POU6F2: variants seen among roughly 807,000 people sequenced by gnomAD.
POU6F2 encodes the protein POU class 6 homeobox 2.
POU6F2 carries 31 observed loss-of-function variants against 71.3 expected under a neutral mutation model. That is an observed-to-expected ratio of 0.43 (90% CI 0.33 to 0.59). The LOEUF is 0.59. POU6F2 is among the 20% of genes least tolerant of loss of function. The pLI is 0.04. For synonymous variants in POU6F2, 347 were observed against 355.7 expected (o/e 0.98, Z 0.27); for missense variants, 783 against 856.8 (o/e 0.91, Z 1.07).
chr7:39,071,738 T>C (rs1042110606), intron 1 of POU6F2, among the ~76,000 whole-genome samples: 1 of 151,898 alleles, frequency 6.6e-6, no homozygotes, highest in African/African-American at 2.4e-5. Context: ...TAACAGTCTT[T>C]GTGCAACAAC....
intron 4 of POU6F2, among the ~76,000 whole-genome samples, chr7:39,235,992 G>A (rs867886475): frequency 1.2e-4 from 19 of 152,110 alleles, no homozygotes; most frequent in South Asian, 4.2e-4. Context: ...GAACAGGTGC[G>A]TCTGCATTTT....
At chr7:39,224,594 T>G (rs1465583656) in intron 4 of POU6F2, among the ~76,000 whole-genome samples, 1 of 152,190 alleles carries the variant, frequency 6.6e-6, no homozygotes, top group Non-Finnish European at 1.5e-5. Flanking sequence ...CACCAATGAC[T>G]GCTTTACTTT....
At chr7:39,194,947 C>A (rs1342613963) in intron 2 of POU6F2, among the ~76,000 whole-genome samples, 1 of 152,104 alleles carries the variant, frequency 6.6e-6, no homozygotes, top group African/African-American at 2.4e-5. Context: ...GGAGAAACTC[C>A]GGACACATCT....
chr7:39,132,628 A>C (rs2280667), intron 2 of POU6F2: 38,254 of 152,024 alleles, frequency 0.25, 5,385 homozygotes, highest in East Asian at 0.55. Context: ...AATCTAACAC[A>C]ATTGGTCACA....
rs374756990 is a variant in POU6F2 at position 39,319,022 on chromosome 7, C to T, written c.599-20620C>T. ...TTGGATGTGGTGGTGCATGCAGGTACTAGAGGAGCTGAGGCAGGAAAATCA... is the reference window on the plus strand; with the variant it reads ...TTGGATGTGGTGGTGCATGCAGGTATTAGAGGAGCTGAGGCAGGAAAATCA... On this transcript the variant is annotated intron_variant, in intron 4 of 9. Transcript: ENST00000518318. Among the ~76,000 whole-genome samples the T allele has an allele frequency of 1.9e-4, 29 of 152,178 alleles. No individual in the cohort carries two copies. In the East Asian group the frequency reaches 4.3e-3, roughly 22 times the overall value.
At chr7:39,113,347 G>A (rs866281102) in intron 2 of POU6F2, among the ~76,000 whole-genome samples, 33 of 152,232 alleles carry the variant, frequency 2.2e-4, no homozygotes, top group African/African-American at 7.9e-4. Context: ...CCTGGGGTCC[G>A]GGTTACTGGC....
intron 4 of POU6F2, among the ~76,000 whole-genome samples, chr7:39,261,278 C>T (rs759753592): frequency 2.6e-5 from 4 of 152,196 alleles, no homozygotes; most frequent in Non-Finnish European, 4.4e-5. Flanking sequence ...GCTCTTCTTC[C>T]GACACCCAGG....
chr7:39,232,402 T>C (rs1013605961), intron 4 of POU6F2, among the ~76,000 whole-genome samples: 1 of 152,110 alleles, frequency 6.6e-6, no homozygotes, highest in African/African-American at 2.4e-5. Context: ...TCTTGATGAA[T>C]GATCAAAGTT....
intron 1 of POU6F2, among the ~76,000 whole-genome samples, chr7:39,015,876 G>T (rs1313652512): frequency 1.3e-4 from 9 of 67,642 alleles, no homozygotes; most frequent in Non-Finnish European, 1.7e-4. Flanking sequence ...ATTATATATA[G>T]ATATATATTA....
At chr7:39,149,203 C>A (rs868797429) in intron 2 of POU6F2, among the ~76,000 whole-genome samples, 25 of 152,220 alleles carry the variant, frequency 1.6e-4, no homozygotes, top group African/African-American at 5.8e-4. Flanking sequence ...GCAAGTCACC[C>A]CATCTCTAGA....
chr7:39,196,171 T>C lies in POU6F2; in HGVS notation c.278-8064T>C, dbSNP rs75765447. ...AGGAGAGAAAAATCTGTGGTGGTGG[T>C]AGTGAAAGCGAAACACTGTTACAAA... On this transcript the variant is annotated intron_variant, in intron 2 of 9. Coordinates refer to ENST00000518318, the MANE Select transcript of POU6F2 (RefSeq NM_001370959.1). 1.9e-3 allele frequency among the ~76,000 whole-genome samples: 292 copies of C among 152,284 alleles called. 3 individuals are homozygous for C. The highest frequency in any genetic ancestry group is 6.7e-3 in the African/African-American group (279 of 41,556).
intron 4 of POU6F2, among the ~76,000 whole-genome samples, chr7:39,216,305 C>T (rs904430324): frequency 2.0e-5 from 3 of 152,202 alleles, no homozygotes; most frequent in African/African-American, 7.2e-5. Context: ...CATTAGATCA[C>T]ATGGTCTATT....
intron 2 of POU6F2, among the ~76,000 whole-genome samples, chr7:39,160,624 C>T (rs933396813): frequency 6.6e-6 from 1 of 152,206 alleles, no homozygotes. Flanking sequence ...AGCCTATTCT[C>T]ATCTCCCTTG....
At chr7:39,260,990 A>T (rs961625562) in intron 4 of POU6F2, among the ~76,000 whole-genome samples, 10 of 151,622 alleles carry the variant, frequency 6.6e-5, no homozygotes, top group African/African-American at 2.4e-4. Context: ...TATCACACAC[A>T]CATCACAGCA....
intron 6 of POU6F2, among the ~76,000 whole-genome samples, chr7:39,421,553 A>G (rs1403088749): frequency 6.6e-6 from 1 of 152,174 alleles, no homozygotes; most frequent in Non-Finnish European, 1.5e-5. Flanking sequence ...CTCACTGAGT[A>G]TAAACACAGC....
chr7:39,071,212 C>G (rs922652425), intron 1 of POU6F2, among the ~76,000 whole-genome samples: 4 of 152,106 alleles, frequency 2.6e-5, no homozygotes, highest in African/African-American at 7.2e-5. Flanking sequence ...GACAGATCAT[C>G]AGGCATTAGA....
chr7:38,989,824 TG>T (rs771833755), intron 1 of POU6F2, among the ~76,000 whole-genome samples: 14,368 of 144,366 alleles, frequency 0.1, 747 homozygotes, highest in Non-Finnish European at 0.12. Context: ...TGTGTGTGTG[TG>T]TTTGTGTGTG....
rs139866278 is a variant in POU6F2, at chr7:39,327,366, G to T, written c.599-12276G>T. Among the ~76,000 whole-genome samples the T allele has an allele frequency of 1.6e-3, 247 of 152,022 alleles. 2 individuals are homozygous for T. The highest frequency in any genetic ancestry group is 5.7e-3 in the African/African-American group (236 of 41,478). ...ACCTTCGTATTTTTTATCAGTCAAGGATGTTTATTACCTTCAAAGTTTCTC... is the reference window on the plus strand; with the variant it reads ...ACCTTCGTATTTTTTATCAGTCAAGTATGTTTATTACCTTCAAAGTTTCTC... On this transcript the variant is annotated intron_variant, in intron 4 of 9. Transcript: ENST00000518318.
rs1788666059 is a variant in POU6F2 at position 39,451,675 on chromosome 7, C to T, written c.1463C>T (p.Ala488Val). ...TCCTCCTCATCCTCCTCTTCTTCAGCTTTGAGCGTGGGCCAGTTAGTCAGC... is the reference window on the plus strand; with the variant it reads ...TCCTCCTCATCCTCCTCTTCTTCAGTTTTGAGCGTGGGCCAGTTAGTCAGC... The part of the protein sequence containing the change: ...SSSSSSSSSS[A>V]LSVGQLVSNP... The change falls in exon 8 of 10, where the codon GCT (alanine) becomes GTT (valine). Residue 488 changes from alanine to valine, a missense_variant. Ala to Val is a moderately conservative substitution (Grantham distance 64, BLOSUM62 0). Transcript: ENST00000518318. 3.7e-6 allele frequency: 6 copies of T among 1,604,538 alleles called. No homozygotes were observed. In the South Asian group the frequency reaches 4.5e-5, roughly 12 times the overall value.
Sources: gnomAD v4.1 joint callset for allele counts (sites outside exome capture counted in the v4.1 genomes callset) on GRCh38, gnomAD v4.1.1 for gene constraint, MANE v1.5 for transcripts, NCBI Gene and HGNC (gene_info 2026-07-23, HGNC 2026-07-21) for gene names.